C5orf58: variants seen among roughly 807,000 people sequenced by gnomAD.
C5orf58 encodes chromosome 5 open reading frame 58.
C5orf58 carries 2 observed loss-of-function variants against 2.9 expected under a neutral mutation model. The ratio of observed to expected loss-of-function variants is 0.69; its 90% CI spans 0.28 to 2.18. The LOEUF (loss-of-function observed/expected upper bound fraction) is 2.18. Among genes scored for constraint, C5orf58 ranks in the 30% most tolerant of loss-of-function variants. The probability of loss-of-function intolerance (pLI) is 0.13; values close to 1 mark genes in which losing one functional copy is unlikely to be tolerated. For missense variants in C5orf58, 96 were observed against 91.7 expected (o/e 1.05, Z -0.19); for synonymous variants, 37 against 33.4 (o/e 1.11, Z -0.37).
intron 3 of C5orf58, among the ~76,000 whole-genome samples, chr5:170,244,893 T>G (rs1235519850): frequency 6.6e-6 from 1 of 151,900 alleles, no homozygotes; most frequent in Non-Finnish European, 1.5e-5. Flanking sequence ...GTTCTGTTTT[T>G]TCCCCATCTT....
intron 3 of C5orf58, among the ~76,000 whole-genome samples, chr5:170,236,172 G>A (rs572986667): frequency 6.6e-6 from 1 of 152,024 alleles, no homozygotes; most frequent in Non-Finnish European, 1.5e-5. Context: ...TACTACAGGA[G>A]CTGGGGAAAG....
intron 3 of C5orf58, among the ~76,000 whole-genome samples, chr5:170,236,157 G>T (rs1760732871): frequency 6.6e-6 from 1 of 152,050 alleles, no homozygotes; most frequent in African/African-American, 2.4e-5. Flanking sequence ...GGACCACTCA[G>T]AACTTACTAC....
At chr5:170,248,719 G>C, downstream of C5orf58, 1 of 1,611,872 alleles carries the variant, frequency 6.2e-7, no homozygotes, top group Non-Finnish European at 8.5e-7. Flanking sequence ...TGCAGCATGC[G>C]TTAATGTGCA....
chr5:170,234,291 G>A (rs1760649741), intron 2 of C5orf58, 93 bp downstream of exon 2: 1 of 696,782 alleles, frequency 1.4e-6, no homozygotes, highest in African/African-American at 1.8e-5. Context: ...TTGAGATGGA[G>A]TTTTTCAAGT....
At chr5:170,243,723 T>C (rs1761123503) in intron 3 of C5orf58, among the ~76,000 whole-genome samples, 1 of 151,296 alleles carries the variant, frequency 6.6e-6, no homozygotes, top group African/African-American at 2.4e-5. Flanking sequence ...GGGTCTTGAC[T>C]CTTTATCCAA....
chr5:170,235,302 T>C lies in C5orf58; in HGVS notation c.94+232T>C, dbSNP rs535126600. Among the ~76,000 whole-genome samples the C allele has an allele frequency of 1.6e-3, 238 of 152,328 alleles. 2 individuals are homozygous for C. Among genetic ancestry groups the C allele is most frequent in the African/African-American group, 5.1e-3 (214 of 41,578 alleles). On this transcript the variant is annotated intron_variant, in intron 3 of 3. Transcript: ENST00000593851. ...CCTGACATTAATAAGCTTATCAGGT[T>C]GTCTAACCTCTGTAAATTTTACTTC...
chr5:170,242,694 G>A (rs1444548395), intron 3 of C5orf58, among the ~76,000 whole-genome samples: 4 of 142,032 alleles, frequency 2.8e-5, no homozygotes, highest in African/African-American at 8.0e-5. Context: ...TCTTGCTAGC[G>A]GTCTATCAAT....
At chr5:170,238,133 C>T (rs1463403139) in intron 3 of C5orf58, among the ~76,000 whole-genome samples, 2 of 152,144 alleles carry the variant, frequency 1.3e-5, no homozygotes, top group East Asian at 3.9e-4. Flanking sequence ...TAAGGCACAA[C>T]AGATACTTGA....
At chr5:170,235,508 CATG>C (rs1760706754) in intron 3 of C5orf58, among the ~76,000 whole-genome samples, 1 of 152,188 alleles carries the variant, frequency 6.6e-6, no homozygotes, top group Non-Finnish European at 1.5e-5. Flanking sequence ...CCTTATAGGT[CATG>C]ATGTTTAGTC....
At chr5:170,239,458 A>G (rs7716359) in intron 3 of C5orf58, among the ~76,000 whole-genome samples, 101,965 of 149,994 alleles carry the variant, frequency 0.68, 35,619 homozygotes, top group African/African-American at 0.84. Context: ...CCACCCCACC[A>G]CTCCCCACAA....
At chr5:170,246,249 C>A, downstream of C5orf58, 1 of 734,794 alleles carries the variant, frequency 1.4e-6, no homozygotes, top group Non-Finnish European at 2.1e-6. Context: ...TTCTTGAAGG[C>A]TGTTTAATGT....
intron 1 of C5orf58, 147 bp from the exon 2 acceptor site, chr5:170,233,968 A>T (rs991593153): frequency 2.5e-6 from 1 of 396,042 alleles, no homozygotes; most frequent in Admixed American, 3.6e-5. Context: ...CCACCACTCC[A>T]CCCCTTGTTA....
downstream of C5orf58, chr5:170,251,083 G>T (rs908506604): frequency 1.6e-4 from 82 of 510,074 alleles, no homozygotes; most frequent in Non-Finnish European, 1.9e-4. Flanking sequence ...GAGTTATTTT[G>T]TTATTAAGAA....
chr5:170,243,463 T>G (rs1421498941), intron 3 of C5orf58, among the ~76,000 whole-genome samples: 1 of 150,906 alleles, frequency 6.6e-6, no homozygotes, highest in Non-Finnish European at 1.5e-5. Context: ...TGGGTGCTCC[T>G]GTATTGGGTG....
chr5:170,240,461 T>C (rs1380117731), intron 3 of C5orf58, among the ~76,000 whole-genome samples: 4 of 151,592 alleles, frequency 2.6e-5, no homozygotes, highest in Admixed American at 6.6e-5. Flanking sequence ...TTTTAATGAT[T>C]GCCTTTCTAA....
Position 170,245,768 on chromosome 5 carries a change from T to C in C5orf58, c.95-194T>C, listed in dbSNP as rs547400765. Among the ~76,000 whole-genome samples, 30 of 152,378 alleles carry C rather than the reference T, an allele frequency of 2.0e-4. No individual in the cohort carries two copies. The South Asian group carries it at 5.4e-3, about 27-fold the overall frequency. ...CACGCTGGGAGCTGTAGACCGGAGC[T>C]GTTCCTATTCAGCCATCTTGGCTCC... On this transcript the variant is annotated intron_variant, in intron 3 of 3. Transcript: ENST00000593851.
chr5:170,238,188 C>A (rs1760822118), intron 3 of C5orf58, among the ~76,000 whole-genome samples: 3 of 151,724 alleles, frequency 2.0e-5, no homozygotes, highest in African/African-American at 4.8e-5. Context: ...TCAACAGATT[C>A]AATGAGGAAG....
At chr5:170,244,623 G>C (rs1761172126) in intron 3 of C5orf58, among the ~76,000 whole-genome samples, 1 of 151,876 alleles carries the variant, frequency 6.6e-6, no homozygotes, top group Admixed American at 6.6e-5. Context: ...TTGGTTTTCA[G>C]CTCCATCAGC....
chr5:170,236,254 A>G (rs1508759), intron 3 of C5orf58, among the ~76,000 whole-genome samples: 93,796 of 151,654 alleles, frequency 0.62, 30,788 homozygotes, highest in African/African-American at 0.85. Flanking sequence ...GCACCAAATA[A>G]TGAGTGCCTA....
Sources: allele counts gnomAD v4.1 joint callset (sites outside exome capture counted in the v4.1 genomes callset), GRCh38; gene constraint gnomAD v4.1.1; transcripts MANE v1.5; gene names NCBI Gene and HGNC (gene_info 2026-07-23, HGNC 2026-07-21).